Variants in PTPRR observed in about 807,000 individuals in gnomAD.
PTPRR encodes the protein receptor-type tyrosine-protein phosphatase R.
PTPRR carries 38 observed loss-of-function variants against 77.2 expected under a neutral mutation model. That is an observed-to-expected ratio of 0.49 (90% CI 0.38 to 0.65). The LOEUF (loss-of-function observed/expected upper bound fraction) is 0.65. Among genes scored for constraint, PTPRR ranks in the 30% least tolerant of loss-of-function variants. PTPRR has a pLI of 0.00. For missense variants in PTPRR, 744 were observed against 799.2 expected, an observed-to-expected ratio of 0.93 and a Z score of 0.83; for synonymous variants, 299 against 283.1, an observed-to-expected ratio of 1.06 and a Z score of -0.57.
At chr12:70,766,848 G>A (rs1490220284) in intron 2 of PTPRR, among the ~76,000 whole-genome samples, 1 of 152,102 alleles carries the variant, frequency 6.6e-6, no homozygotes, top group Non-Finnish European at 1.5e-5. Context: ...GAAGAGAGTG[G>A]GGGCCAATAT....
intron 2 of PTPRR, among the ~76,000 whole-genome samples, chr12:70,788,003 C>T (rs540766861): frequency 1.3e-5 from 2 of 152,252 alleles, no homozygotes; most frequent in Admixed American, 6.5e-5. Context: ...TCCAGAACTT[C>T]GTACAATGCC....
chr12:70,812,276 A>C (rs1011682431), intron 2 of PTPRR, among the ~76,000 whole-genome samples: 1 of 152,228 alleles, frequency 6.6e-6, no homozygotes, highest in African/African-American at 2.4e-5. Flanking sequence ...GGGTGAAAGA[A>C]GCACCTCAGT....
intron 8 of PTPRR, among the ~76,000 whole-genome samples, chr12:70,690,854 A>G (rs1048855924): frequency 3.9e-5 from 6 of 152,302 alleles, no homozygotes; most frequent in Non-Finnish European, 8.8e-5. Context: ...TCATTTGCAT[A>G]CATTAATATT....
chr12:70,753,428 A>G (rs193004827), intron 5 of PTPRR, among the ~76,000 whole-genome samples: 1 of 152,290 alleles, frequency 6.6e-6, no homozygotes, highest in East Asian at 1.9e-4. Context: ...ATTAAAACCT[A>G]TTTGTAAACT....
intron 2 of PTPRR, among the ~76,000 whole-genome samples, chr12:70,855,019 T>C (rs1465399857): frequency 1.3e-5 from 2 of 152,166 alleles, no homozygotes; most frequent in Non-Finnish European, 2.9e-5. Flanking sequence ...CCACAGCAAT[T>C]TGAAGAGTGC....
intron 10 of PTPRR, chr12:70,672,537 GGGAAAAAC>G: frequency 7.6e-7 from 1 of 1,308,414 alleles, no homozygotes; most frequent in Non-Finnish European, 1.1e-6. Flanking sequence ...AGTGGCTGCT[GGGAAAAAC>G]CTTCAACACC....
intron 12 of PTPRR, among the ~76,000 whole-genome samples, chr12:70,658,878 C>T (rs1244214395): frequency 4.7e-5 from 4 of 85,654 alleles, no homozygotes; most frequent in Middle Eastern, 9.1e-3. Context: ...GGGACTTTTG[C>T]TCTAGTTTTT....
chr12:70,713,078 A>G (rs181650798), intron 6 of PTPRR, among the ~76,000 whole-genome samples: 460 of 152,282 alleles, frequency 3.0e-3, no homozygotes, highest in Non-Finnish European at 5.5e-3. Context: ...AGAAACCACT[A>G]ATATACATGC....
intron 13 of PTPRR, among the ~76,000 whole-genome samples, chr12:70,646,798 G>T (rs1337780565): frequency 6.6e-6 from 1 of 152,048 alleles, no homozygotes; most frequent in Non-Finnish European, 1.5e-5. Context: ...TAAATGTAAG[G>T]TTACAGTTGA....
intron 2 of PTPRR, among the ~76,000 whole-genome samples, chr12:70,790,112 T>G (rs1567746): frequency 0.85 from 129,677 of 152,018 alleles, 55,621 homozygotes; most frequent in East Asian, 0.94. Context: ...TTCAAATGTG[T>G]TATAATATTT....
At chr12:70,893,853 T>C (rs1194360322) in intron 1 of PTPRR, among the ~76,000 whole-genome samples, 1 of 151,934 alleles carries the variant, frequency 6.6e-6, no homozygotes. Flanking sequence ...AACAATATTC[T>C]ATTGTTTTAC....
At chr12:70,796,119 T>C (rs1174616354) in intron 2 of PTPRR, among the ~76,000 whole-genome samples, 1 of 151,878 alleles carries the variant, frequency 6.6e-6, no homozygotes, top group Non-Finnish European at 1.5e-5. Flanking sequence ...AGACGGGGTT[T>C]CACTATGTTG....
In PTPRR at chr12:70,884,871, C is replaced by CAAAAAAAAAAAAAAA. The variant is rs529547383; in HGVS notation, c.357+7793_357+7807dup. 1.2e-3 allele frequency among the ~76,000 whole-genome samples: 66 copies of CAAAAAAAAAAAAAAA among 53,938 alleles called. 1 individual carries two copies. Among genetic ancestry groups the CAAAAAAAAAAAAAAA allele is most frequent in the African/African-American group, 4.3e-3 (46 of 10,740 alleles). The allele number at this position is 53,938 out of a possible 152,430, so 35.4% of individuals were successfully genotyped here. ...TGGGCAACAGAGCAAAACTCTGTCT[C>CAAAAAAAAAAAAAAA]AAAAAAAAAAAAAAAAAAAAAAAAA... On this transcript the variant is annotated intron_variant, in intron 2 of 13. Transcript: ENST00000283228.
intron 6 of PTPRR, among the ~76,000 whole-genome samples, chr12:70,717,087 C>G (rs1889059003): frequency 6.6e-6 from 1 of 152,174 alleles, no homozygotes; most frequent in South Asian, 2.1e-4. Context: ...CTTTGTTTCT[C>G]TAACATACTA....
At chr12:70,859,476 GA>G (rs1892712713) in intron 2 of PTPRR, among the ~76,000 whole-genome samples, 1 of 151,972 alleles carries the variant, frequency 6.6e-6, no homozygotes, top group South Asian at 2.1e-4. Context: ...TGTACTGAGA[GA>G]AAAATGCTAA....
intron 8 of PTPRR, among the ~76,000 whole-genome samples, chr12:70,693,566 G>C (rs935979097): frequency 6.6e-6 from 1 of 152,008 alleles, no homozygotes; most frequent in African/African-American, 2.4e-5. Context: ...TATTGCCCAG[G>C]CTGGTCTCAA....
intron 2 of PTPRR, among the ~76,000 whole-genome samples, chr12:70,853,402 G>A (rs566615651): frequency 1.4e-4 from 21 of 152,244 alleles, no homozygotes; most frequent in South Asian, 4.1e-4. Context: ...ACATAAGGTC[G>A]CACAACTAAT....
intron 10 of PTPRR, among the ~76,000 whole-genome samples, chr12:70,682,309 C>G (rs917874997): frequency 3.3e-5 from 5 of 151,992 alleles, no homozygotes; most frequent in African/African-American, 1.2e-4. Context: ...TCCCAAAGTG[C>G]TGGGATTACA....
At chr12:70,676,380 G>A (rs1269773317) in intron 10 of PTPRR, among the ~76,000 whole-genome samples, 1 of 151,858 alleles carries the variant, frequency 6.6e-6, no homozygotes, top group Non-Finnish European at 1.5e-5. Context: ...ACTTGTTCCT[G>A]TGTCAAATTT....
Sources: gnomAD v4.1 joint callset for allele counts (sites outside exome capture counted in the v4.1 genomes callset) on GRCh38, gnomAD v4.1.1 for gene constraint, MANE v1.5 for transcripts, NCBI Gene and HGNC (gene_info 2026-07-23, HGNC 2026-07-21) for gene names.